DNAH9: variants seen among roughly 807,000 people sequenced by gnomAD.
DNAH9 encodes the protein dynein axonemal heavy chain 9, also known as DNAH9 variant protein.
A neutral mutation model predicts 471.6 loss-of-function variants in DNAH9; 345 were observed. The ratio of observed to expected loss-of-function variants is 0.73; its 90% confidence interval spans 0.67 to 0.80. The LOEUF (loss-of-function observed/expected upper bound fraction) is 0.80, where lower values mean the gene tolerates loss of function less well. DNAH9 is among the 30% of genes least tolerant of loss of function. The probability of loss-of-function intolerance (pLI) is 0.00; values close to 1 mark genes in which losing one functional copy is unlikely to be tolerated. For synonymous variants in DNAH9, 2,093 were observed against 2,123.6 expected (o/e 0.99, Z 0.40); for missense variants, 5,407 against 5,609.2 (o/e 0.96, Z 1.15).
At position 11,902,714 on chromosome 17, in the gene DNAH9, C is replaced by T; in HGVS notation, c.11407-5C>T. 6.2e-7 allele frequency: 1 copy of T among 1,606,856 alleles called. No homozygotes were observed. The highest frequency in any genetic ancestry group is 8.5e-7 in the Non-Finnish European group (1 of 1,176,418). On this transcript the variant is annotated splice_region_variant and splice_polypyrimidine_tract_variant and intron_variant, in intron 59 of 68. Coordinates refer to ENST00000262442, the MANE Select transcript of DNAH9 (RefSeq NM_001372.4). ...CTGCATTTCAGATTCTCTGAAATTT[C>T]CCAGGTACTTTCATCAATGGAAGAA... is the stretch of plus-strand genomic sequence containing the variant.
At chr17:11,625,783 T>C (rs2072958503) in intron 6 of DNAH9, among the ~76,000 whole-genome samples, 1 of 152,242 alleles carries the variant, frequency 6.6e-6, no homozygotes, top group African/African-American at 2.4e-5. Context: ...AGCGGCCTGG[T>C]ACCCCAGTGT....
intron 5 of DNAH9, among the ~76,000 whole-genome samples, chr17:11,619,173 C>T (rs1277574399): frequency 2.0e-5 from 3 of 152,110 alleles, no homozygotes; most frequent in Admixed American, 6.5e-5. Flanking sequence ...TAAGCCTCTT[C>T]GAGACAGAAA....
chr17:11,640,137 C>A, intron 9 of DNAH9, 133 bp from the exon 10 acceptor site: 1 of 642,074 alleles, frequency 1.6e-6, no homozygotes. Context: ...CCCAGGAACT[C>A]CAGTGTGCTC....
At chr17:11,834,922 T>C in intron 49 of DNAH9, 24 bp downstream of exon 49, 2 of 1,607,106 alleles carry the variant, frequency 1.2e-6, no homozygotes, top group Non-Finnish European at 8.5e-7. Context: ...CTGCCATACC[T>C]GCTCATCCCT....
chr17:11,932,308 G>C lies in DNAH9; in HGVS notation c.12297+103G>C. 8.2e-7 allele frequency: 1 copy of C among 1,220,152 alleles called. No homozygotes were observed. Among genetic ancestry groups the C allele is most frequent in the Non-Finnish European group, 1.1e-6 (1 of 888,018 alleles). 75.6% of individuals were successfully genotyped at this position (1,220,152 alleles called of 1,614,324 possible). A position where few individuals can be genotyped will look rare whatever the true frequency, so the allele number is the denominator to read the frequency against. On this transcript the variant is annotated intron_variant, in intron 64 of 68. Transcript: ENST00000262442. This position sits in a 1 kb window ranked among gnomAD's most constrained non-coding sequence, Gnocchi z 4.3. ...GGGGTCTAGGATGGGGCCTGAGAAT[G>C]TGCATTTCTAACAAGCTCCCTCGTG...
chr17:11,965,984 A>T (rs975888405), intron 68 of DNAH9, among the ~76,000 whole-genome samples: 1 of 152,190 alleles, frequency 6.6e-6, no homozygotes, highest in African/African-American at 2.4e-5. Context: ...AAGCATAACA[A>T]CATATGCACA....
In DNAH9 at chr17:11,763,478, T is replaced by C; in HGVS notation, c.7034T>C (p.Val2345Ala). 1 of 1,614,146 alleles carries C rather than the reference T, an allele frequency of 6.2e-7. No individual in the cohort carries two copies. The highest frequency in any genetic ancestry group is 8.5e-7 in the Non-Finnish European group (1 of 1,180,004). The change falls in exon 36 of 69, where the codon GTT becomes GCT. Residue 2345 changes from valine to alanine, a missense_variant. Coordinates refer to ENST00000262442, the MANE Select transcript of DNAH9 (RefSeq NM_001372.4). The part of the protein sequence containing the change: ...KIIPIPEQSM[V>A]QMVCHLLECL... ...ATTCCCATCCCAGAGCAGAGCATGG[T>C]TCAGATGGTGTGTCACCTTCTGGAA...
chr17:11,720,831 C>T (rs1025202696), intron 27 of DNAH9, among the ~76,000 whole-genome samples: 1 of 152,150 alleles, frequency 6.6e-6, no homozygotes, highest in Non-Finnish European at 1.5e-5. Flanking sequence ...TCTTCATCCC[C>T]TAAATTTTAG....
rs1194310252 is a variant in DNAH9 at position 11,929,888 on chromosome 17, G to A, written c.11900G>A (p.Trp3967Ter). Residue 3967 changes from tryptophan to a stop codon, truncating the protein, a stop_gained, in exon 63 of 69, where the codon TGG (tryptophan) becomes TAG (stop). Coordinates refer to ENST00000262442, the MANE Select transcript of DNAH9 (RefSeq NM_001372.4). LOFTEE classifies it high-confidence loss of function. ...ILQNIHLVAK[W>*]LSTLEKKLEE... ...TAGAACATTCACCTGGTGGCCAAGTGGCTCAGCACCCTGGAGAAGAAGCTG... is the reference window on the plus strand; with the variant it reads ...TAGAACATTCACCTGGTGGCCAAGTAGCTCAGCACCCTGGAGAAGAAGCTG... 1 of 1,613,784 alleles carries A rather than the reference G, an allele frequency of 6.2e-7. No individual in the cohort carries two copies. The highest frequency in any genetic ancestry group is 1.1e-5 in the South Asian group (1 of 90,978).
At chr17:11,961,041 G>A (rs376874892) in intron 67 of DNAH9, among the ~76,000 whole-genome samples, 2 of 152,112 alleles carry the variant, frequency 1.3e-5, no homozygotes, top group Non-Finnish European at 1.5e-5. Context: ...CAGGCCGGGC[G>A]CGGTGGCTCA....
chr17:11,959,710 A>G (rs535795055), intron 67 of DNAH9, among the ~76,000 whole-genome samples: 1 of 152,348 alleles, frequency 6.6e-6, no homozygotes, highest in South Asian at 2.1e-4. Flanking sequence ...TGGCACATAC[A>G]GGGCTCTTTT....
In DNAH9 at chr17:11,871,622, G is replaced by T; in HGVS notation, c.10078G>T (p.Val3360Leu). ...GGTTGGAGGACTCGCTTCTGAAAACGTGAGGTGGGCAGATGCCGTGCAGAA... is the reference window on the plus strand; with the variant it reads ...GGTTGGAGGACTCGCTTCTGAAAACTTGAGGTGGGCAGATGCCGTGCAGAA... ...RLVGGLASEN[V>L]RWADAVQNFK... The change falls in exon 52 of 69, where the codon GTG (valine) becomes TTG (leucine). Residue 3360 changes from valine (V) to leucine (L), a missense_variant. Around this residue, in one of 3 missense-constraint regions of DNAH9, gnomAD observed 4,636 missense variants for 4,900.3 expected, o/e 0.95. Coordinates refer to ENST00000262442, the MANE Select transcript of DNAH9 (RefSeq NM_001372.4). 3 of 1,614,056 alleles carry T rather than the reference G, an allele frequency of 1.9e-6. No homozygotes were observed. Among genetic ancestry groups the T allele is most frequent in the Non-Finnish European group, 2.5e-6 (3 of 1,179,904 alleles).
At chr17:11,666,602 G>T (rs561287752) in intron 15 of DNAH9, among the ~76,000 whole-genome samples, 1 of 152,270 alleles carries the variant, frequency 6.6e-6, no homozygotes, top group Admixed American at 6.5e-5. Flanking sequence ...AATTTGAAAG[G>T]CACTGGTTAT....
intron 1 of DNAH9, among the ~76,000 whole-genome samples, chr17:11,607,314 T>G (rs2072528753): frequency 6.6e-6 from 1 of 152,110 alleles, no homozygotes; most frequent in Non-Finnish European, 1.5e-5. Context: ...GTCAACATAC[T>G]CACAGCCCAG....
chr17:11,827,857 T>A (rs150802737), intron 48 of DNAH9, among the ~76,000 whole-genome samples: 1 of 152,130 alleles, frequency 6.6e-6, no homozygotes, highest in Non-Finnish European at 1.5e-5. Flanking sequence ...GGCTAATTTT[T>A]GTATTTTTAG....
At chr17:11,721,097 C>T (rs555544087) in intron 27 of DNAH9, among the ~76,000 whole-genome samples, 17 of 152,128 alleles carry the variant, frequency 1.1e-4, no homozygotes, top group African/African-American at 4.1e-4. Context: ...GAAAATCAGC[C>T]AGATTTCTTC....
At chr17:11,609,755 A>G (rs2072590319) in intron 2 of DNAH9, among the ~76,000 whole-genome samples, 1 of 152,204 alleles carries the variant, frequency 6.6e-6, no homozygotes, top group South Asian at 2.1e-4. Flanking sequence ...TAAAAGTTGT[A>G]TGAGGGGAAA....
At chr17:11,671,414 C>T (rs1259052344) in intron 17 of DNAH9, among the ~76,000 whole-genome samples, 3 of 152,024 alleles carry the variant, frequency 2.0e-5, no homozygotes, top group Admixed American at 6.6e-5. Context: ...AGAGGGGGGG[C>T]AGAGAATACA....
At chr17:11,699,114 T>C (rs2074546587) in intron 22 of DNAH9, among the ~76,000 whole-genome samples, 1 of 152,102 alleles carries the variant, frequency 6.6e-6, no homozygotes, top group Non-Finnish European at 1.5e-5. Flanking sequence ...CTGGGCATGG[T>C]GGCACACACC....
Sources: gnomAD v4.1 joint callset for allele counts (sites outside exome capture counted in the v4.1 genomes callset) on GRCh38, gnomAD v4.1.1 for gene constraint, gnomAD v4.1.1 regional missense constraint, Gnocchi (gnomAD v3.1) non-coding constraint, MANE v1.5 for transcripts, NCBI Gene and HGNC (gene_info 2026-07-23, HGNC 2026-07-21) for gene names.